Variants in STPG2 observed in about 807,000 individuals in gnomAD.
STPG2 encodes sperm-tail PG-rich repeat-containing protein 2.
A neutral mutation model predicts 54.2 loss-of-function variants in STPG2; 56 were observed. The observed-to-expected ratio is 1.03, with a 90% confidence interval of 0.83 to 1.29. The LOEUF is 1.29. Among genes scored for constraint, STPG2 ranks in the 50% most tolerant of loss-of-function variants. The probability of loss-of-function intolerance (pLI) is 0.00; values close to 1 mark genes in which losing one functional copy is unlikely to be tolerated. For synonymous variants in STPG2, 200 were observed against 181.8 expected (o/e 1.10, Z -0.81); for missense variants, 596 against 544.9 (o/e 1.09, Z -0.93).
chr4:98,026,470 G>T (rs1736424352), intron 5 of STPG2, among the ~76,000 whole-genome samples: 1 of 152,130 alleles, frequency 6.6e-6, no homozygotes, highest in South Asian at 2.1e-4. Flanking sequence ...GAGGGCACCA[G>T]ATGGACATTG....
intron 9 of STPG2, among the ~76,000 whole-genome samples, chr4:97,819,167 T>C (rs1251751707): frequency 6.6e-6 from 1 of 151,752 alleles, no homozygotes; most frequent in African/African-American, 2.4e-5. Flanking sequence ...TTTTATCACC[T>C]CAGAAGCATT....
At chr4:98,023,375 G>A (rs1424952904) in intron 5 of STPG2, among the ~76,000 whole-genome samples, 2 of 152,176 alleles carry the variant, frequency 1.3e-5, no homozygotes, top group East Asian at 1.9e-4. Flanking sequence ...AAATGTTGCT[G>A]CCTGATCAGT....
chr4:97,590,491 T>C (rs1032076947), intron 10 of STPG2, among the ~76,000 whole-genome samples: 27 of 152,198 alleles, frequency 1.8e-4, no homozygotes, highest in African/African-American at 6.3e-4. Context: ...GGGCAGGATT[T>C]ACAGTCAGTG....
intron 9 of STPG2, among the ~76,000 whole-genome samples, chr4:97,731,370 C>T (rs1469078401): frequency 6.6e-6 from 1 of 152,080 alleles, no homozygotes; most frequent in African/African-American, 2.4e-5. Flanking sequence ...ATTTAGGCTA[C>T]CTCCAGTATA....
intron 5 of STPG2, among the ~76,000 whole-genome samples, chr4:98,051,906 G>A (rs1242306794): frequency 2.0e-5 from 3 of 151,936 alleles, no homozygotes; most frequent in Non-Finnish European, 2.9e-5. Context: ...TGACCAACAT[G>A]GTGAAACGCT....
intron 10 of STPG2, among the ~76,000 whole-genome samples, chr4:97,651,561 T>C (rs1432676666): frequency 6.6e-6 from 1 of 152,014 alleles, no homozygotes; most frequent in Non-Finnish European, 1.5e-5. Context: ...AAATAAAAAT[T>C]TAAACATCAG....
intron 8 of STPG2, among the ~76,000 whole-genome samples, chr4:97,929,394 T>C (rs959258): frequency 0.021 from 3,142 of 152,338 alleles, 120 homozygotes; most frequent in Admixed American, 0.1. Flanking sequence ...ATATACCCAG[T>C]AATAAGATTG....
intron 8 of STPG2, among the ~76,000 whole-genome samples, chr4:97,902,174 T>C (rs1731201814): frequency 6.6e-6 from 1 of 152,064 alleles, no homozygotes; most frequent in Non-Finnish European, 1.5e-5. Flanking sequence ...AAGACTTAAA[T>C]GTCAGACCTG....
At chr4:97,681,438 CTAAAA>C (rs891220432) in intron 10 of STPG2, among the ~76,000 whole-genome samples, 3 of 151,646 alleles carry the variant, frequency 2.0e-5, no homozygotes, top group African/African-American at 7.3e-5. Flanking sequence ...TTTTCACTGC[CTAAAA>C]TAAAGAAAAA....
chr4:97,554,415 T>C (rs1219815536), downstream of STPG2, among the ~76,000 whole-genome samples: 1 of 152,188 alleles, frequency 6.6e-6, no homozygotes, highest in Non-Finnish European at 1.5e-5. Context: ...GATATCTTTT[T>C]CTGATTGTAC....
rs183571415 is a variant in STPG2 at position 98,069,442 on chromosome 4, T to C, written c.612+36511A>G. 1.1e-3 allele frequency among the ~76,000 whole-genome samples: 166 copies of C among 152,170 alleles called. 1 individual carries two copies. Among genetic ancestry groups the C allele is most frequent in the African/African-American group, 3.8e-3 (159 of 41,504 alleles). The stretch of plus-strand genomic sequence containing the variant: ...ATCTGTCATCATGATTTGTTGCAAT[T>C]AGTGTGCCCTTAATCAGCAATTTTA... On this transcript the variant is annotated intron_variant, in intron 5 of 10. Transcript: ENST00000295268.
chr4:98,008,150 C>T lies in STPG2; in HGVS notation c.613-26832G>A, dbSNP rs554449667. Among the ~76,000 whole-genome samples the T allele has an allele frequency of 2.6e-4, 39 of 152,170 alleles. 1 individual carries two copies. In the South Asian group the frequency reaches 8.1e-3, roughly 32 times the overall value. ...GAACTTCATCATGCCATACAGTTAT[C>T]AGGCTGTCATTGTGGAGAAAAAATC... On this transcript the variant is annotated intron_variant, in intron 5 of 10. Coordinates refer to ENST00000295268, the MANE Select transcript of STPG2 (RefSeq NM_174952.3).
chr4:97,550,483 C>T (rs187511020), intron 4 of STPG2, among the ~76,000 whole-genome samples: 54 of 151,988 alleles, frequency 3.6e-4, no homozygotes, highest in Admixed American at 2.0e-3. Context: ...GCTTATAATA[C>T]GGAATAGCCT....
chr4:97,553,536 T>C (rs754072492), intron 4 of STPG2, among the ~76,000 whole-genome samples: 10 of 152,220 alleles, frequency 6.6e-5, no homozygotes, highest in Non-Finnish European at 1.5e-4. Flanking sequence ...TGAGTCTCCT[T>C]TTCTATTTCA....
intron 5 of STPG2, among the ~76,000 whole-genome samples, chr4:97,984,434 C>A (rs1027206115): frequency 6.6e-6 from 1 of 152,134 alleles, no homozygotes; most frequent in Non-Finnish European, 1.5e-5. Flanking sequence ...CATGAACCAC[C>A]GCACCCGCCC....
At chr4:97,542,979 TG>T (rs904537013) in intron 4 of STPG2, among the ~76,000 whole-genome samples, 3 of 150,744 alleles carry the variant, frequency 2.0e-5, no homozygotes, top group Non-Finnish European at 3.0e-5. Context: ...TGTTGTGGGG[TG>T]GGGAGAAGGG....
At chr4:98,081,432 G>T (rs985568138) in intron 5 of STPG2, among the ~76,000 whole-genome samples, 53 of 152,042 alleles carry the variant, frequency 3.5e-4, no homozygotes, top group African/African-American at 1.2e-3. Context: ...AAGCTAAGGG[G>T]GTTCTCTTGT....
chr4:97,851,729 A>G (rs959565909), intron 8 of STPG2, among the ~76,000 whole-genome samples: 1 of 152,184 alleles, frequency 6.6e-6, no homozygotes, highest in Non-Finnish European at 1.5e-5. Context: ...AAATTTGATT[A>G]ATATTTAATG....
At chr4:97,918,552 T>A (rs1001996520) in intron 8 of STPG2, among the ~76,000 whole-genome samples, 6 of 146,470 alleles carry the variant, frequency 4.1e-5, no homozygotes, top group African/African-American at 1.6e-4. Flanking sequence ...CACCAGGAAA[T>A]AAATAAATAT....
Sources: allele counts gnomAD v4.1 joint callset (sites outside exome capture counted in the v4.1 genomes callset), GRCh38; gene constraint gnomAD v4.1.1; transcripts MANE v1.5; gene names NCBI Gene and HGNC (gene_info 2026-07-23, HGNC 2026-07-21).